Variants in ANK3 observed in about 807,000 individuals in gnomAD.
ANK3 encodes the protein ankyrin-3.
Under a neutral mutation model 370.9 loss-of-function variants are expected in ANK3, and 57 were observed. The ratio of observed to expected loss-of-function variants is 0.15; its 90% CI spans 0.12 to 0.19. The LOEUF (loss-of-function observed/expected upper bound fraction) is 0.19. Among genes scored for constraint, ANK3 ranks in the 10% least tolerant of loss-of-function variants. ANK3 has a pLI of 1.00. For synonymous variants in ANK3, 1,929 were observed against 1,946.3 expected, an observed-to-expected ratio of 0.99 and a Z score of 0.23; for missense variants, 4,439 against 5,302.1, an observed-to-expected ratio of 0.84 and a Z score of 5.06.
chr10:60,138,516 A>T (rs1565252991), intron 24 of ANK3: 2 of 401,992 alleles, frequency 5.0e-6, no homozygotes, highest in East Asian at 7.2e-5. Flanking sequence ...AAACAACATA[A>T]TTTTTTTTCA....
chr10:60,730,602 C>T (rs975274583), intron 1 of ANK3, among the ~76,000 whole-genome samples: 6 of 152,190 alleles, frequency 3.9e-5, no homozygotes, highest in Admixed American at 1.3e-4. Flanking sequence ...GCTATTTTCA[C>T]ATGTCGACAA....
chr10:60,388,969 T>A (rs1314245755), intron 1 of ANK3, among the ~76,000 whole-genome samples: 1 of 152,196 alleles, frequency 6.6e-6, no homozygotes, highest in Non-Finnish European at 1.5e-5. Context: ...GTCACAGATC[T>A]GCCTGGGAAA....
intron 2 of ANK3, among the ~76,000 whole-genome samples, chr10:60,487,902 C>T (rs894016496): frequency 6.6e-6 from 1 of 151,890 alleles, no homozygotes. Flanking sequence ...TTAGTCGAGA[C>T]GAGGTTTCTC....
chr10:60,433,625 A>G (rs1190290923), intron 2 of ANK3, among the ~76,000 whole-genome samples: 1 of 152,182 alleles, frequency 6.6e-6, no homozygotes, highest in Non-Finnish European at 1.5e-5. Context: ...AAGAAAAAGA[A>G]AAAACAAATG....
chr10:60,612,928 C>A (rs1375180690), intron 2 of ANK3, among the ~76,000 whole-genome samples: 1 of 152,172 alleles, frequency 6.6e-6, no homozygotes, highest in African/African-American at 2.4e-5. Flanking sequence ...GGTAGCATAA[C>A]CACACATTCA....
At chr10:60,582,596 G>T (rs1191074464) in intron 2 of ANK3, among the ~76,000 whole-genome samples, 1 of 151,230 alleles carries the variant, frequency 6.6e-6, no homozygotes, top group Non-Finnish European at 1.5e-5. Flanking sequence ...TCACTATGTG[G>T]CTCTGGACAA....
intron 1 of ANK3, among the ~76,000 whole-genome samples, chr10:60,355,801 T>C (rs1030477708): frequency 6.6e-6 from 1 of 152,204 alleles, no homozygotes; most frequent in Non-Finnish European, 1.5e-5. Context: ...CTCACAACTT[T>C]AAACAAAGTT....
At chr10:60,600,821 T>C (rs561634745) in intron 2 of ANK3, among the ~76,000 whole-genome samples, 1 of 152,182 alleles carries the variant, frequency 6.6e-6, no homozygotes, top group Non-Finnish European at 1.5e-5. Flanking sequence ...CTGGATCAAA[T>C]AATTTGCTGT....
chr10:60,572,759 C>T, intron 2 of ANK3: 3 of 1,304,026 alleles, frequency 2.3e-6, no homozygotes, highest in Non-Finnish European at 2.9e-6. Flanking sequence ...CTATATCAAA[C>T]AGTCAATTAT....
intron 8 of ANK3, among the ~76,000 whole-genome samples, chr10:60,224,273 T>C (rs1197261904): frequency 1.3e-5 from 2 of 152,142 alleles, no homozygotes; most frequent in East Asian, 3.8e-4. Context: ...AGCACTCACA[T>C]AATGAACAAG....
At chr10:60,627,122 C>G (rs1437904078) in intron 1 of ANK3, among the ~76,000 whole-genome samples, 1 of 152,060 alleles carries the variant, frequency 6.6e-6, no homozygotes, top group Non-Finnish European at 1.5e-5. Flanking sequence ...AATCCAGGGT[C>G]ACATCAGAAA....
chr10:60,144,723 G>A (rs1428741795), intron 23 of ANK3, among the ~76,000 whole-genome samples: 1 of 152,156 alleles, frequency 6.6e-6, no homozygotes, highest in Admixed American at 6.5e-5. Flanking sequence ...ACAAAGGAGA[G>A]AAAGAGAGTA....
chr10:60,392,914 GCAAGGCTCTGTC>G (rs1462748637), upstream of ANK3, among the ~76,000 whole-genome samples: 2 of 151,886 alleles, frequency 1.3e-5, no homozygotes, highest in Non-Finnish European at 2.9e-5. Context: ...GGGTGACAGA[GCAAGGCTCTGTC>G]CCTTGGCTCC....
Position 60,696,780 on chromosome 10 carries a change from A to C in ANK3, c.57+36483T>G, listed in dbSNP as rs1307378938. Among the ~76,000 whole-genome samples the C allele has an allele frequency of 2.5e-3, 356 of 145,162 alleles. 1 individual carries two copies. Among genetic ancestry groups the C allele is most frequent in the African/African-American group, 9.1e-3 (346 of 37,902 alleles). ...AAATAATAAGAGCTATCTATGACAA[A>C]CCCACAGCCAATATCATACTGAATG... On this transcript the variant is annotated intron_variant, in intron 1 of 43. Coordinates refer to the ANK3 transcript ENST00000373827.
At chr10:60,618,805 T>C (rs1293126763) in intron 1 of ANK3, among the ~76,000 whole-genome samples, 2 of 152,084 alleles carry the variant, frequency 1.3e-5, no homozygotes, top group African/African-American at 4.8e-5. Context: ...CAAATGTTTC[T>C]CCTCTACAGC....
intron 1 of ANK3, among the ~76,000 whole-genome samples, chr10:60,304,732 T>C (rs1338630497): frequency 6.6e-6 from 1 of 152,208 alleles, no homozygotes; most frequent in Non-Finnish European, 1.5e-5. Context: ...ATATTGAAAT[T>C]ATTTGCCACT....
intron 28 of ANK3, among the ~76,000 whole-genome samples, chr10:60,104,476 C>T (rs568875558): frequency 4.6e-5 from 7 of 150,762 alleles, no homozygotes; most frequent in African/African-American, 7.3e-5. Context: ...AGTGGAATAA[C>T]CTTAGATATG....
At chr10:60,659,164 C>T (rs1469552370) in intron 1 of ANK3, among the ~76,000 whole-genome samples, 1 of 152,108 alleles carries the variant, frequency 6.6e-6, no homozygotes, top group Admixed American at 6.6e-5. Flanking sequence ...TTGAGTTATG[C>T]AAAGATTTCT....
intron 2 of ANK3, among the ~76,000 whole-genome samples, chr10:60,585,191 A>T (rs1297752435): frequency 6.6e-6 from 1 of 152,218 alleles, no homozygotes; most frequent in Non-Finnish European, 1.5e-5. Flanking sequence ...TTGATGCTGC[A>T]TGCTGGAGAG....
Sources: gnomAD v4.1 joint callset for allele counts (sites outside exome capture counted in the v4.1 genomes callset) on GRCh38, gnomAD v4.1.1 for gene constraint, MANE v1.5 for transcripts, NCBI Gene and HGNC (gene_info 2026-07-23, HGNC 2026-07-21) for gene names.